Variants in KLHL3 observed in about 807,000 individuals in gnomAD.
KLHL3 encodes kelch like family member 3, also known as kelch-like protein 3.
In KLHL3, 19 loss-of-function variants were observed where a neutral mutation model predicts 70.5. That is an observed-to-expected ratio of 0.27 (90% CI 0.19 to 0.40). The LOEUF (loss-of-function observed/expected upper bound fraction) is 0.40, where lower values mean the gene tolerates loss of function less well. Ranked by LOEUF, KLHL3 falls within the 10% of genes least tolerant of loss-of-function variation. KLHL3 has a pLI of 1.00. For synonymous variants in KLHL3, 258 were observed against 290.3 expected (o/e 0.89, Z 1.13); for missense variants, 512 against 771.1 (o/e 0.66, Z 3.98).
Position 137,639,024 on chromosome 5 carries a change from C to T in KLHL3, c.1148G>A (p.Arg383His). The T allele has an allele frequency of 1.2e-6, 2 of 1,614,150 alleles. No individual in the cohort carries two copies. Among genetic ancestry groups the T allele is most frequent in the Non-Finnish European group, 1.7e-6 (2 of 1,180,004 alleles). Residue 383 changes from arginine (R) to histidine (H), a missense_variant, in exon 10 of 15, where the codon CGC becomes CAC. Transcript: ENST00000309755. This position sits in a 1 kb window ranked among gnomAD's most constrained non-coding sequence, Gnocchi z 5.0. ...QWTSIASMQE[R>H]RSTLGAAVLN... ...CACCGCTGCGCCCAGTGTGCTCCGGCGCTCCTGCATGCTGGCAATGGACGT... is the reference window on the plus strand; with the variant it reads ...CACCGCTGCGCCCAGTGTGCTCCGGTGCTCCTGCATGCTGGCAATGGACGT...
chr5:137,627,489 G>GA (rs1750505909), intron 13 of KLHL3, among the ~76,000 whole-genome samples: 1 of 60,990 alleles, frequency 1.6e-5, no homozygotes. Flanking sequence ...CCCCCCCCCC[G>GA]GTTTACACTT....
intron 14 of KLHL3, among the ~76,000 whole-genome samples, chr5:137,625,107 G>A (rs751814551): frequency 4.9e-4 from 27 of 55,582 alleles, no homozygotes; most frequent in East Asian, 3.9e-3. Context: ...TCAGCCCAAG[G>A]GTTGTTGAAA....
intron 5 of KLHL3, among the ~76,000 whole-genome samples, chr5:137,687,105 G>A (rs1459393474): frequency 5.2e-3 from 347 of 66,810 alleles, no homozygotes; most frequent in East Asian, 0.015. Flanking sequence ...CAGCCGCCCC[G>A]TCCGGGAGGG....
chr5:137,692,921 C>A (rs941250297), intron 4 of KLHL3, among the ~76,000 whole-genome samples: 2 of 151,960 alleles, frequency 1.3e-5, no homozygotes, highest in African/African-American at 4.8e-5. Flanking sequence ...ATGTCTAGGT[C>A]TTGCCCTAAA....
chr5:137,642,335 C>T (rs1459655885), intron 8 of KLHL3, among the ~76,000 whole-genome samples: 2 of 152,198 alleles, frequency 1.3e-5, no homozygotes, highest in East Asian at 3.8e-4. Context: ...TGCCTTAACA[C>T]CTGCTTATCT....
At position 137,687,076 on chromosome 5, in the gene KLHL3, G is replaced by A. The variant is rs1193359427; in HGVS notation, c.526+5209C>T. On this transcript the variant is annotated intron_variant, in intron 5 of 14. Transcript: ENST00000309755. ...CCCCGTCCGGGAGGGAGGTGGGGGG[G>A]GTCAGCCCCCCGCCCGGCCAGCCGC... Among the ~76,000 whole-genome samples the A allele has an allele frequency of 1.6e-4, 17 of 103,528 alleles. 1 individual carries two copies. The allele number at this position is 103,528 out of a possible 152,430, so 67.9% of individuals were successfully genotyped here. A position where few individuals can be genotyped will look rare whatever the true frequency, so the allele number is the denominator to read the frequency against.
Position 137,639,233 on chromosome 5 carries a change from C to T in KLHL3, c.1022-83G>A, listed in dbSNP as rs145288100. 9.2e-4 allele frequency: 1,265 copies of T among 1,369,074 alleles called. 9 individuals carry two copies. In the African/African-American group the frequency reaches 0.016, roughly 17 times the overall value. 84.8% of individuals were successfully genotyped at this position (1,369,074 alleles called of 1,614,324 possible). A position where few individuals can be genotyped will look rare whatever the true frequency, so the allele number is the denominator to read the frequency against. ...GATGGATGGCAATGGAGGAGCAAGA[C>T]AGACACAGGAAAAGTCGCCACCGAA... On this transcript the variant is annotated intron_variant, in intron 9 of 14. Transcript: ENST00000309755. The surrounding 1 kb of genome is among the most constrained non-coding windows in gnomAD (Gnocchi z 5.0).
chr5:137,637,335 A>G lies in KLHL3; in HGVS notation c.1280T>C (p.Met427Thr), dbSNP rs199469642. 1 of 1,613,960 alleles carries G rather than the reference A, an allele frequency of 6.2e-7. No individual in the cohort carries two copies. Among genetic ancestry groups the G allele is most frequent in the Non-Finnish European group, 8.5e-7 (1 of 1,179,948 alleles). Reference sequence around the variant, plus strand: ...ACCCACACTGCTCCGCCGCGTGTTCATCGGGGCCACAAAGAACCACTCGTT... The same window carrying G: ...ACCCACACTGCTCCGCCGCGTGTTCGTCGGGGCCACAAAGAACCACTCGTT... ...KTNEWFFVAP[M>T]NTRRSSVGVG... The change falls in exon 11 of 15, where the codon ATG (methionine) becomes ACG (threonine). Residue 427 changes from methionine (M) to threonine (T), a missense_variant. Coordinates refer to ENST00000309755, the MANE Select transcript of KLHL3 (RefSeq NM_017415.3).
At chr5:137,658,502 G>A (rs975397463) in intron 7 of KLHL3, among the ~76,000 whole-genome samples, 7 of 152,172 alleles carry the variant, frequency 4.6e-5, no homozygotes, top group East Asian at 1.9e-4. Context: ...ACTACTTAAC[G>A]TCTCTGATCC....
At chr5:137,674,120 A>G (rs56040881) in intron 6 of KLHL3, among the ~76,000 whole-genome samples, 58 of 152,298 alleles carry the variant, frequency 3.8e-4, no homozygotes, top group Non-Finnish European at 6.9e-4. Flanking sequence ...AGCTTTTTTC[A>G]TATATCATCC....
Position 137,639,935 on chromosome 5 carries a change from T to G in KLHL3, c.946A>C (p.Ser316Arg). ...VGGQAPKAIR[S>R]VECYDFEEDR... ...TCCTCGAAATCATAGCACTCCACAC[T>G]GCGGATTGCCTTGGGTGCCTGGCCG... Residue 316 changes from serine to arginine, a missense_variant, in exon 9 of 15, where the codon AGT (serine) becomes CGT (arginine). Physicochemically the swap from Ser to Arg is moderately radical, Grantham distance 110. Coordinates refer to ENST00000309755, the MANE Select transcript of KLHL3 (RefSeq NM_017415.3). The surrounding 1 kb of genome is among the most constrained non-coding windows in gnomAD (Gnocchi z 5.0). 1 of 1,614,174 alleles carries G rather than the reference T, an allele frequency of 6.2e-7. No homozygotes were observed. The highest frequency in any genetic ancestry group is 8.5e-7 in the Non-Finnish European group (1 of 1,180,040).
chr5:137,651,554 G>A (rs1751201805), intron 8 of KLHL3, among the ~76,000 whole-genome samples: 1 of 152,176 alleles, frequency 6.6e-6, no homozygotes, highest in Non-Finnish European at 1.5e-5. Context: ...AAACACTGAT[G>A]AGAGAAATTA....
chr5:137,675,380 A>G (rs1751861412), intron 6 of KLHL3, among the ~76,000 whole-genome samples: 1 of 152,210 alleles, frequency 6.6e-6, no homozygotes. Context: ...AATTGGTGCC[A>G]TTATCATTAT....
intron 6 of KLHL3, chr5:137,674,041 T>C (rs1751827151): frequency 6.6e-6 from 1 of 152,152 alleles, no homozygotes; most frequent in Admixed American, 6.5e-5. Flanking sequence ...GCAGTACTAG[T>C]AGTAATAACC....
intron 5 of KLHL3, among the ~76,000 whole-genome samples, chr5:137,684,463 A>G (rs1295978161): frequency 6.6e-6 from 1 of 152,088 alleles, no homozygotes; most frequent in Non-Finnish European, 1.5e-5. Flanking sequence ...GACTCAATCA[A>G]TCAAAAAAAG....
intron 11 of KLHL3, 124 bp downstream of exon 11, chr5:137,637,170 C>G: frequency 4.2e-6 from 3 of 706,908 alleles, no homozygotes; most frequent in African/African-American, 1.8e-5. Flanking sequence ...ATAATAGTAC[C>G]TAACCCAGAG....
Position 137,735,746 on chromosome 5 carries a change from A to G in KLHL3, c.-100T>C. 1 of 1,520,172 alleles carries G rather than the reference A, an allele frequency of 6.6e-7. No individual in the cohort carries two copies. The highest frequency in any genetic ancestry group is 9.1e-7 in the Non-Finnish European group (1 of 1,094,714). The allele number at this position is 1,520,172 out of a possible 1,614,324, so 94.2% of individuals were successfully genotyped here. ...TCCCAGCAGACCAGTGGGAAATCTG[A>G]TCAGCAACAGTGATTCAGCATGGCT... is the stretch of plus-strand genomic sequence containing the variant. On this transcript the variant is annotated 5_prime_UTR_variant, in exon 1 of 15. Transcript: ENST00000309755.
intron 6 of KLHL3, chr5:137,672,084 T>C (rs1252822667): frequency 6.6e-6 from 1 of 152,068 alleles, no homozygotes; most frequent in Non-Finnish European, 1.5e-5. Context: ...AGGAGAACAG[T>C]AAAAAGAGTA....
rs983267255 is a variant in KLHL3, at chr5:137,618,721, C to G, written c.*3377G>C. 1.3e-5 allele frequency: 2 copies of G among 149,542 alleles called. No homozygotes were observed. Among genetic ancestry groups the G allele is most frequent in the Non-Finnish European group, 3.0e-5 (2 of 67,710 alleles). 9.3% of individuals were successfully genotyped at this position (149,542 alleles called of 1,614,324 possible). A position where few individuals can be genotyped will look rare whatever the true frequency, so the allele number is the denominator to read the frequency against. ...CAGTGCCCGTCAGTGGGAGCCACCACGAGACAGCCCGGCCTCACCCCCACA... is the reference window on the plus strand; with the variant it reads ...CAGTGCCCGTCAGTGGGAGCCACCAGGAGACAGCCCGGCCTCACCCCCACA... On this transcript the variant is annotated 3_prime_UTR_variant, in exon 15 of 15. Coordinates refer to ENST00000309755, the MANE Select transcript of KLHL3 (RefSeq NM_017415.3).
Sources: gnomAD v4.1 joint callset for allele counts (sites outside exome capture counted in the v4.1 genomes callset) on GRCh38, gnomAD v4.1.1 for gene constraint, Gnocchi (gnomAD v3.1) non-coding constraint, MANE v1.5 for transcripts, NCBI Gene and HGNC (gene_info 2026-07-23, HGNC 2026-07-21) for gene names.